HMGA2: variants seen among roughly 807,000 people sequenced by gnomAD.
The protein encoded by HMGA2 is high mobility group AT-hook 2, also known as high mobility group protein HMGI-C.
HMGA2 carries 8 observed loss-of-function variants against 19.1 expected under a neutral mutation model. The observed-to-expected ratio is 0.42, with a 90% confidence interval of 0.25 to 0.76. HMGA2 has a LOEUF of 0.76. Among genes scored for constraint, HMGA2 ranks in the 30% least tolerant of loss-of-function variants. The pLI is 0.28. For missense variants in HMGA2, 109 were observed against 136.3 expected (o/e 0.80, Z 1.00); for synonymous variants, 60 against 48.8 (o/e 1.23, Z -0.96).
intron 3 of HMGA2, chr12:65,842,733 C>T (rs1871054737): frequency 6.9e-7 from 1 of 1,439,072 alleles, no homozygotes. Context: ...CTCAGAACTT[C>T]TATAGAATTC....
chr12:65,905,696 T>G (rs1464420434), intron 3 of HMGA2, among the ~76,000 whole-genome samples: 1 of 152,216 alleles, frequency 6.6e-6, no homozygotes, highest in East Asian at 1.9e-4. Context: ...GGAATATTTT[T>G]CTTTAAAAAA....
chr12:65,961,737 G>C (rs1318706683), intron 4 of HMGA2, among the ~76,000 whole-genome samples: 2 of 144,520 alleles, frequency 1.4e-5, no homozygotes, highest in East Asian at 2.0e-4. Context: ...GCCCAGGATA[G>C]AGTGTGTGTG....
intron 3 of HMGA2, among the ~76,000 whole-genome samples, chr12:65,940,564 TG>T: frequency 6.6e-6 from 1 of 152,196 alleles, no homozygotes; most frequent in Non-Finnish European, 1.5e-5. Flanking sequence ...TAAAAACAGA[TG>T]CTATTTTTAT....
At position 65,825,566 on chromosome 12, in the gene HMGA2, C is replaced by A. The variant is rs938941520; in HGVS notation, c.111+185C>A. Among the ~76,000 whole-genome samples the A allele has an allele frequency of 4.0e-5, 6 of 150,840 alleles. No individual in the cohort carries two copies. The highest frequency in any genetic ancestry group is 8.9e-5 in the Non-Finnish European group (6 of 67,642). On this transcript the variant is annotated intron_variant, in intron 1 of 4. Coordinates refer to ENST00000403681, the MANE Select transcript of HMGA2 (RefSeq NM_003483.6). This position sits in a 1 kb window ranked among gnomAD's most constrained non-coding sequence, Gnocchi z 4.4. ...CCGCGCGGCCCCGGGGCGCCAGCAA[C>A]CCTCCGGGCGGGGAGGTGGGGAGCC...
At chr12:65,959,646 C>T (rs1390813023) in intron 4 of HMGA2, among the ~76,000 whole-genome samples, 2 of 152,144 alleles carry the variant, frequency 1.3e-5, no homozygotes, top group Non-Finnish European at 2.9e-5. Flanking sequence ...AGCCCCATTC[C>T]AACAGGTAAG....
intron 3 of HMGA2, among the ~76,000 whole-genome samples, chr12:65,894,683 A>C (rs1265358468): frequency 6.6e-6 from 1 of 152,188 alleles, no homozygotes; most frequent in East Asian, 1.9e-4. Context: ...TGTTTGCAAA[A>C]CTACCTTTAA....
In HMGA2 at chr12:65,825,130, G is replaced by A; in HGVS notation, c.-141G>A. ...GGCAGCGGCGGCAGCCTAAGCAACA[G>A]CAGCCCTCGCAGCCCGCCAGCTCGC... is the stretch of plus-strand genomic sequence containing the variant. On this transcript the variant is annotated 5_prime_UTR_variant, in exon 1 of 5. Coordinates refer to ENST00000403681, the MANE Select transcript of HMGA2 (RefSeq NM_003483.6). The surrounding 1 kb of genome is among the most constrained non-coding windows in gnomAD (Gnocchi z 4.4). The A allele has an allele frequency of 1.6e-6, 1 of 618,882 alleles. No homozygotes were observed. The highest frequency in any genetic ancestry group is 1.9e-5 in the African/African-American group (1 of 51,562). The allele number at this position is 618,882 out of a possible 1,614,324, so 38.3% of individuals were successfully genotyped here.
intron 4 of HMGA2, chr12:65,957,515 T>C (rs532691463): frequency 6.6e-6 from 1 of 152,278 alleles, no homozygotes; most frequent in African/African-American, 2.4e-5. Flanking sequence ...GAATACTTTG[T>C]TTATGCAAAA....
intron 3 of HMGA2, among the ~76,000 whole-genome samples, chr12:65,948,921 G>C (rs988673193): frequency 6.6e-6 from 1 of 152,166 alleles, no homozygotes; most frequent in African/African-American, 2.4e-5. Flanking sequence ...AAAAAGGAGG[G>C]GGATTTCTGA....
intron 3 of HMGA2, among the ~76,000 whole-genome samples, chr12:65,875,530 T>C (rs1384212572): frequency 1.4e-5 from 2 of 146,640 alleles, no homozygotes; most frequent in Non-Finnish European, 3.0e-5. Context: ...TTCAAGCCAT[T>C]CTCCTGCCTC....
At chr12:65,924,562 C>CT (rs1875435244) in intron 3 of HMGA2, among the ~76,000 whole-genome samples, 1 of 152,188 alleles carries the variant, frequency 6.6e-6, no homozygotes, top group Admixed American at 6.5e-5. Flanking sequence ...CTTTGGGAGA[C>CT]TGAGGCAGGT....
intron 3 of HMGA2, among the ~76,000 whole-genome samples, chr12:65,863,767 G>A (rs545284063): frequency 5.1e-4 from 77 of 152,260 alleles, no homozygotes; most frequent in African/African-American, 1.7e-3. Context: ...TACAGAAGTC[G>A]CAACCCTCAC....
rs1247945919 is a variant in HMGA2 at position 65,844,646 on chromosome 12, G to A, written c.249+6077G>A. Among the ~76,000 whole-genome samples, 3 of 152,050 alleles carry A rather than the reference G, an allele frequency of 2.0e-5. No homozygotes were observed. The East Asian group carries it at 5.8e-4, about 29-fold the overall frequency. ...ATTCTTAATTATTCTGTTAAATGAAGACTTTCAAAAAAAGAGATTGATAAT... is the reference window on the plus strand; with the variant it reads ...ATTCTTAATTATTCTGTTAAATGAAAACTTTCAAAAAAAGAGATTGATAAT... On this transcript the variant is annotated intron_variant, in intron 3 of 4. Transcript: ENST00000403681.
chr12:65,926,056 T>G (rs1875493221), intron 3 of HMGA2, among the ~76,000 whole-genome samples: 1 of 152,236 alleles, frequency 6.6e-6, no homozygotes, highest in Non-Finnish European at 1.5e-5. Context: ...CAACATAGCC[T>G]CTGTTCTCAT....
chr12:65,850,514 A>ATT (rs75062051), intron 3 of HMGA2, among the ~76,000 whole-genome samples: 1 of 143,920 alleles, frequency 6.9e-6, no homozygotes. Flanking sequence ...AAGAGACCGA[A>ATT]TTTTTTTTTT....
At chr12:65,914,583 T>C (rs1364764449) in intron 3 of HMGA2, 3 of 230,274 alleles carry the variant, frequency 1.3e-5, no homozygotes, top group East Asian at 1.0e-4. Context: ...GCACGGCACA[T>C]GTATACATAT....
chr12:65,831,870 T>G (rs968938308), intron 2 of HMGA2, among the ~76,000 whole-genome samples: 1 of 151,928 alleles, frequency 6.6e-6, no homozygotes, highest in Non-Finnish European at 1.5e-5. Flanking sequence ...TAGGCCTAAT[T>G]AAAAGGAGAA....
chr12:65,836,364 G>GA (rs58470265), intron 2 of HMGA2, among the ~76,000 whole-genome samples: 1,503 of 104,730 alleles, frequency 0.014, 3 homozygotes, highest in Non-Finnish European at 0.023. Context: ...GTCTCAAAAA[G>GA]AAAAAAAAAA....
chr12:65,923,653 T>G (rs1484366340), intron 3 of HMGA2, among the ~76,000 whole-genome samples: 1 of 152,184 alleles, frequency 6.6e-6, no homozygotes, highest in African/African-American at 2.4e-5. Context: ...TAAGAGCCAT[T>G]TTCTGGCTTC....
Sources: gnomAD v4.1 joint callset for allele counts (sites outside exome capture counted in the v4.1 genomes callset) on GRCh38, gnomAD v4.1.1 for gene constraint, Gnocchi (gnomAD v3.1) non-coding constraint, MANE v1.5 for transcripts, NCBI Gene and HGNC (gene_info 2026-07-23, HGNC 2026-07-21) for gene names.